The following BDH1 variants were observed in gnomAD, a reference collection of about 807,000 sequenced individuals.
BDH1 encodes the protein D-beta-hydroxybutyrate dehydrogenase, mitochondrial.
A neutral mutation model predicts 33.1 loss-of-function variants in BDH1; 30 were observed. The ratio of observed to expected loss-of-function variants is 0.91; its 90% CI spans 0.68 to 1.23. The LOEUF (loss-of-function observed/expected upper bound fraction) is 1.23. Among genes scored for constraint, BDH1 ranks in the 50% most tolerant of loss-of-function variants. BDH1 has a pLI of 0.00. For synonymous variants in BDH1, 190 were observed against 183.6 expected (o/e 1.03, Z -0.28); for missense variants, 443 against 464.4 (o/e 0.95, Z 0.42).
intron 2 of BDH1, among the ~76,000 whole-genome samples, chr3:197,551,219 C>A (rs1579993497): frequency 1.3e-5 from 2 of 152,196 alleles, no homozygotes; most frequent in African/African-American, 4.8e-5. Flanking sequence ...ACTGCACAGA[C>A]CCTCACTACC....
rs571877513 is a variant in BDH1 at position 197,516,500 on chromosome 3, G to A, written c.410-2084C>T. Among the ~76,000 whole-genome samples, 2 of 152,092 alleles carry A rather than the reference G, an allele frequency of 1.3e-5. No homozygotes were observed. Among genetic ancestry groups the A allele is most frequent in the South Asian group, 2.1e-4 (1 of 4,798 alleles). ...CAGCCAATGTTCTGAATAAACTCAC[G>A]GAGGCATGCCCGCTGGTTGGGTGAC... On this transcript the variant is annotated intron_variant, in intron 6 of 7. Transcript: ENST00000392379. This position sits in a 1 kb window ranked among gnomAD's most constrained non-coding sequence, Gnocchi z 4.2.
In BDH1 at chr3:197,542,735, T is replaced by G. The variant is rs557302490; in HGVS notation, c.83+3626A>C. On this transcript the variant is annotated intron_variant, in intron 3 of 7. Transcript: ENST00000392379. Reference sequence around the variant, plus strand: ...CGGGGCTTCTCCATGTTGGACAGGTTGGTCTCAAACTCCCGACCTCAGGTG... The same window carrying G: ...CGGGGCTTCTCCATGTTGGACAGGTGGGTCTCAAACTCCCGACCTCAGGTG... 7.2e-5 allele frequency among the ~76,000 whole-genome samples: 11 copies of G among 151,938 alleles called. No homozygotes were observed. The East Asian group carries it at 2.1e-3, about 30-fold the overall frequency.
chr3:197,533,636 C>CT (rs935259154), intron 3 of BDH1, 75 bp from the exon 4 acceptor site: 2 of 1,436,202 alleles, frequency 1.4e-6, no homozygotes, highest in African/African-American at 2.8e-5. Flanking sequence ...TAGAGCAGCA[C>CT]TGGGTGTCTC....
chr3:197,515,411 G>T (rs1388494863), intron 6 of BDH1: 1 of 985,702 alleles, frequency 1.0e-6, no homozygotes, highest in East Asian at 1.1e-4. Context: ...CGACCCCACA[G>T]CTCCCACTGT....
intron 1 of BDH1, among the ~76,000 whole-genome samples, chr3:197,564,989 C>G (rs1717388459): frequency 6.6e-6 from 1 of 152,160 alleles, no homozygotes; most frequent in Non-Finnish European, 1.5e-5. Flanking sequence ...ATGGTGCAAT[C>G]TCCGCTCACT....
intron 3 of BDH1, among the ~76,000 whole-genome samples, chr3:197,544,575 C>G (rs911102102): frequency 6.6e-6 from 1 of 152,230 alleles, no homozygotes; most frequent in African/African-American, 2.4e-5. Context: ...AAAAGCCCTT[C>G]AACAAAGCCG....
chr3:197,549,636 C>T (rs940852288), intron 2 of BDH1, among the ~76,000 whole-genome samples: 4 of 152,202 alleles, frequency 2.6e-5, no homozygotes, highest in African/African-American at 4.8e-5. Context: ...GTCCTGCCCC[C>T]GAGGAGGGCA....
intron 3 of BDH1, among the ~76,000 whole-genome samples, chr3:197,539,387 A>C (rs917848725): frequency 6.6e-6 from 1 of 151,886 alleles, no homozygotes; most frequent in Non-Finnish European, 1.5e-5. Flanking sequence ...TGTTCCGCCC[A>C]CCTCAGCCTC....
chr3:197,569,410 G>A (rs922387288), intron 1 of BDH1, among the ~76,000 whole-genome samples: 17 of 152,146 alleles, frequency 1.1e-4, no homozygotes, highest in African/African-American at 4.1e-4. Flanking sequence ...AATTTCTGAT[G>A]TCTTCAATGA....
At position 197,514,805 on chromosome 3, in the gene BDH1, T is replaced by A. The variant is rs1712513090; in HGVS notation, c.410-389A>T. On this transcript the variant is annotated intron_variant, in intron 6 of 7. Transcript: ENST00000392379. This position sits in a 1 kb window ranked among gnomAD's most constrained non-coding sequence, Gnocchi z 4.2. ...TTCACGCCCCGTTCCTGTTTACTCATCTCTGCCCTTGAGCTTTTGCTCACG... is the reference window on the plus strand; with the variant it reads ...TTCACGCCCCGTTCCTGTTTACTCAACTCTGCCCTTGAGCTTTTGCTCACG... Among the ~76,000 whole-genome samples, 1 of 152,182 alleles carries A rather than the reference T, an allele frequency of 6.6e-6. No homozygotes were observed. Among genetic ancestry groups the A allele is most frequent in the Non-Finnish European group, 1.5e-5 (1 of 68,024 alleles).
intron 6 of BDH1, among the ~76,000 whole-genome samples, chr3:197,519,668 A>AAATT (rs936466434): frequency 2.8e-4 from 43 of 152,014 alleles, no homozygotes; most frequent in Non-Finnish European, 5.0e-4. Context: ...TGTCTCAAAA[A>AAATT]AATTAATTAA....
chr3:197,565,419 A>T (rs1446942424), intron 1 of BDH1, among the ~76,000 whole-genome samples: 1 of 152,140 alleles, frequency 6.6e-6, no homozygotes, highest in Non-Finnish European at 1.5e-5. Flanking sequence ...ATTATAAATT[A>T]TGTCTTTTTC....
intron 6 of BDH1, chr3:197,515,610 T>G: frequency 1.0e-6 from 1 of 985,546 alleles, no homozygotes; most frequent in Non-Finnish European, 1.2e-6. Context: ...TCTATACACA[T>G]TAGGAGCTCA....
intron 2 of BDH1, 41 bp from the exon 3 acceptor site, chr3:197,546,527 C>A: frequency 7.1e-7 from 1 of 1,398,754 alleles, no homozygotes. Flanking sequence ...TTGTTGCCTT[C>A]CGGGCTTTAA....
In BDH1 at chr3:197,510,324, AG is replaced by A. The variant is rs1404465683; in HGVS notation, c.*1570del. 3 of 152,278 alleles carry A rather than the reference AG, an allele frequency of 2.0e-5. No homozygotes were observed. The highest frequency in any genetic ancestry group is 7.2e-5 in the African/African-American group (3 of 41,448). The allele number at this position is 152,278 out of a possible 1,614,324, so 9.4% of individuals were successfully genotyped here. A position where few individuals can be genotyped will look rare whatever the true frequency, so the allele number is the denominator to read the frequency against. ...CGGCTGCGGAGGAGGAGCGCCCTCT[AG>A]CGGCAGGTCCGCCCAGGGAGAGGCG... On this transcript the variant is annotated 3_prime_UTR_variant, in exon 8 of 8. Coordinates refer to ENST00000392379, the MANE Select transcript of BDH1 (RefSeq NM_203314.3).
chr3:197,535,427 A>G (rs1052375909), intron 3 of BDH1, among the ~76,000 whole-genome samples: 3 of 152,174 alleles, frequency 2.0e-5, no homozygotes, highest in African/African-American at 7.2e-5. Context: ...TTGGACTCGG[A>G]ATCAGGAAAC....
intron 2 of BDH1, among the ~76,000 whole-genome samples, chr3:197,552,692 TC>T (rs1394548736): frequency 1.3e-5 from 2 of 152,190 alleles, no homozygotes; most frequent in Non-Finnish European, 2.9e-5. Context: ...ACCCCATCTA[TC>T]CCACCCCAAC....
At chr3:197,571,345 T>A (rs1044730173) in intron 1 of BDH1, among the ~76,000 whole-genome samples, 1 of 152,142 alleles carries the variant, frequency 6.6e-6, no homozygotes, top group African/African-American at 2.4e-5. Context: ...TGGGAAGGCA[T>A]GATTGGTTTT....
At chr3:197,513,354 G>A (rs1267112650) in intron 7 of BDH1, among the ~76,000 whole-genome samples, 3 of 149,558 alleles carry the variant, frequency 2.0e-5, no homozygotes, top group Non-Finnish European at 4.5e-5. Context: ...GTGTGTCCCC[G>A]GGAGGGCACT....
Sources: gnomAD v4.1 joint callset for allele counts (sites outside exome capture counted in the v4.1 genomes callset) on GRCh38, gnomAD v4.1.1 for gene constraint, Gnocchi (gnomAD v3.1) non-coding constraint, MANE v1.5 for transcripts, NCBI Gene and HGNC (gene_info 2026-07-23, HGNC 2026-07-21) for gene names.